Variants in DSCC1 observed in about 807,000 individuals in gnomAD.
DSCC1 encodes DNA replication and sister chromatid cohesion 1, also known as sister chromatid cohesion protein DCC1.
Under a neutral mutation model 48.2 loss-of-function variants are expected in DSCC1, and 32 were observed. That is an observed-to-expected ratio of 0.66 (90% CI 0.50 to 0.89). DSCC1 has a LOEUF of 0.89. Among genes scored for constraint, DSCC1 ranks in the 40% least tolerant of loss-of-function variants. The probability of loss-of-function intolerance (pLI) is 0.00; values close to 1 mark genes in which losing one functional copy is unlikely to be tolerated. For missense variants in DSCC1, 421 were observed against 471.7 expected (o/e 0.89, Z 1.00); for synonymous variants, 150 against 171.5 (o/e 0.87, Z 0.98).
At chr8:119,854,966 A>C (rs1409789280) in intron 1 of DSCC1, among the ~76,000 whole-genome samples, 2 of 152,248 alleles carry the variant, frequency 1.3e-5, no homozygotes, top group Non-Finnish European at 2.9e-5. Flanking sequence ...AAGAGAATCA[A>C]GCTGGAGCTC....
At position 119,834,211 on chromosome 8, in the gene DSCC1, A is replaced by G. The variant is rs1826627233; in HGVS notation, c.*682T>C. On this transcript the variant is annotated 3_prime_UTR_variant, in exon 9 of 9. Transcript: ENST00000313655. ...TTGAACTTTGATCTAAACCAAAACA[A>G]ATCAGGAAAATAAAGCTGTAAAGGA... 1 of 152,226 alleles carries G rather than the reference A, an allele frequency of 6.6e-6. No homozygotes were observed. The highest frequency in any genetic ancestry group is 6.5e-5 in the Admixed American group (1 of 15,278). The allele number at this position is 152,226 out of a possible 1,614,324, so 9.4% of individuals were successfully genotyped here. A position where few individuals can be genotyped will look rare whatever the true frequency, so the allele number is the denominator to read the frequency against.
At chr8:119,853,929 C>A (rs1317951021) in intron 1 of DSCC1, among the ~76,000 whole-genome samples, 2 of 152,158 alleles carry the variant, frequency 1.3e-5, no homozygotes, top group Non-Finnish European at 2.9e-5. Flanking sequence ...TGAAGAAAAG[C>A]AAGAACGCAG....
intron 8 of DSCC1, 114 bp downstream of exon 8, chr8:119,838,145 C>T (rs1586575194): frequency 2.7e-6 from 3 of 1,122,402 alleles, no homozygotes; most frequent in South Asian, 4.1e-5. Context: ...TCTAGGGAAG[C>T]AGTATCCTCA....
At chr8:119,846,591 C>T (rs1360829499) in intron 4 of DSCC1, among the ~76,000 whole-genome samples, 1 of 152,168 alleles carries the variant, frequency 6.6e-6, no homozygotes, top group East Asian at 1.9e-4. Flanking sequence ...AAGAGTTTCG[C>T]TCTGATGCCC....
Position 119,854,653 on chromosome 8 carries a change from T to TG in DSCC1, c.182+960dup, listed in dbSNP as rs549983284. ...GGGCCTGTTTTTATTTTTTTGTTTTTGTTTTGTTTTGTTTTTGCCAGCTAG... is the reference window on the plus strand; with the variant it reads ...GGGCCTGTTTTTATTTTTTTGTTTTTGGTTTTGTTTTGTTTTTGCCAGCTAG... On this transcript the variant is annotated intron_variant, in intron 1 of 8. Transcript: ENST00000313655. 2.2e-3 allele frequency among the ~76,000 whole-genome samples: 329 copies of TG among 151,562 alleles called. 1 individual carries two copies. Among genetic ancestry groups the TG allele is most frequent in the African/African-American group, 7.7e-3 (315 of 40,928 alleles).
chr8:119,842,021 T>C lies in DSCC1; in HGVS notation c.770-73A>G, dbSNP rs563545224. ...ATATTATACTAACATTTCCTTTTCT[T>C]TGCTGCAGTTTCTTGAAAGGAATTA... On this transcript the variant is annotated intron_variant, in intron 6 of 8. Coordinates refer to ENST00000313655, the MANE Select transcript of DSCC1 (RefSeq NM_024094.3). 9.3e-6 allele frequency: 14 copies of C among 1,497,608 alleles called. No individual in the cohort carries two copies. In the Admixed American group the frequency reaches 2.2e-4, roughly 23 times the overall value. The allele number at this position is 1,497,608 out of a possible 1,614,324, so 92.8% of individuals were successfully genotyped here.
At chr8:119,852,501 A>T (rs1483299076) in intron 2 of DSCC1, among the ~76,000 whole-genome samples, 1 of 152,042 alleles carries the variant, frequency 6.6e-6, no homozygotes, top group African/African-American at 2.4e-5. Flanking sequence ...TTACAGGTGC[A>T]CGCCACCACG....
At chr8:119,850,961 T>C (rs1826935568) in intron 2 of DSCC1, among the ~76,000 whole-genome samples, 1 of 152,196 alleles carries the variant, frequency 6.6e-6, no homozygotes, top group Non-Finnish European at 1.5e-5. Context: ...TTGCTCACGT[T>C]GAAATGAGGC....
chr8:119,845,930 C>G (rs1400213485), intron 4 of DSCC1, among the ~76,000 whole-genome samples: 1 of 152,018 alleles, frequency 6.6e-6, no homozygotes, highest in African/African-American at 2.4e-5. Context: ...GCCTGGGTGA[C>G]AGAGTGAGAC....
intron 8 of DSCC1, among the ~76,000 whole-genome samples, chr8:119,837,422 T>C (rs914706323): frequency 6.6e-5 from 10 of 152,150 alleles, no homozygotes; most frequent in African/African-American, 1.4e-4. Context: ...GCCTCACTGC[T>C]TCTATGTTCT....
In DSCC1 at chr8:119,834,652, A is replaced by G; in HGVS notation, c.*241T>C. ...TAAATAAATCATAGAGACCTCAGAC[A>G]TAATATAGGAAAGAATTCTTTTGTC... is the stretch of plus-strand genomic sequence containing the variant. On this transcript the variant is annotated 3_prime_UTR_variant, in exon 9 of 9. Transcript: ENST00000313655. 2.7e-6 allele frequency: 1 copy of G among 371,704 alleles called. No homozygotes were observed. Among genetic ancestry groups the G allele is most frequent in the Non-Finnish European group, 4.8e-6 (1 of 208,688 alleles). 23.0% of individuals were successfully genotyped at this position (371,704 alleles called of 1,614,324 possible).
At chr8:119,840,024 C>G (rs919222607) in intron 7 of DSCC1, 3 of 152,208 alleles carry the variant, frequency 2.0e-5, no homozygotes, top group African/African-American at 2.4e-5. Flanking sequence ...TAATATGTCT[C>G]CCCCATTGCC....
intron 1 of DSCC1, among the ~76,000 whole-genome samples, chr8:119,855,261 A>G (rs1049817598): frequency 6.6e-6 from 1 of 152,240 alleles, no homozygotes; most frequent in Non-Finnish European, 1.5e-5. Context: ...CAAGAGTTCT[A>G]TAAACATTGG....
chr8:119,836,038 C>T (rs7833422), intron 8 of DSCC1, among the ~76,000 whole-genome samples: 5,087 of 152,244 alleles, frequency 0.033, 163 homozygotes, highest in South Asian at 0.11. Flanking sequence ...GGTGGCCGGG[C>T]GCGGCGGCTC....
Position 119,836,487 on chromosome 8 carries a change from G to C in DSCC1, c.1074-1486C>G, listed in dbSNP as rs1826685644. Among the ~76,000 whole-genome samples the C allele has an allele frequency of 2.0e-5, 3 of 152,078 alleles. No individual in the cohort carries two copies. In the South Asian group the frequency reaches 6.2e-4, roughly 31 times the overall value. On this transcript the variant is annotated intron_variant, in intron 8 of 8. Transcript: ENST00000313655. ...GAGGCAGGTACAAGATGATCCATCA[G>C]GGTTTGCTCATAGTTTGAACCAGAA...
Position 119,835,412 on chromosome 8 carries a change from CAGG to C in DSCC1, c.1074-414_1074-412del, listed in dbSNP as rs533963564. Among the ~76,000 whole-genome samples the C allele has an allele frequency of 7.5e-3, 1,141 of 151,910 alleles. 16 individuals are homozygous for C. The highest frequency in any genetic ancestry group is 0.026 in the African/African-American group (1,077 of 41,448). ...ATCCCAGCTACTTGGGAGGCTGGGG[CAGG>C]AGAATTGCTTGAACCCGGGAGGCAG... On this transcript the variant is annotated intron_variant, in intron 8 of 8. Transcript: ENST00000313655.
intron 4 of DSCC1, among the ~76,000 whole-genome samples, chr8:119,844,520 C>T (rs1157575754): frequency 6.7e-6 from 1 of 148,316 alleles, no homozygotes; most frequent in Non-Finnish European, 1.5e-5. Context: ...ACTGTGTCTT[C>T]AGGGAGATCA....
Position 119,842,840 on chromosome 8 carries a change from A to G in DSCC1, c.717-12T>C. ...GTTCTATCATTTCCCTGAAAAATTTAAAACACCCACTTGAAAAGTTATAAG... is the reference window on the plus strand; with the variant it reads ...GTTCTATCATTTCCCTGAAAAATTTGAAACACCCACTTGAAAAGTTATAAG... On this transcript the variant is annotated splice_polypyrimidine_tract_variant and intron_variant, in intron 5 of 8. Coordinates refer to ENST00000313655, the MANE Select transcript of DSCC1 (RefSeq NM_024094.3). The G allele has an allele frequency of 6.3e-7, 1 of 1,591,600 alleles. No homozygotes were observed. The highest frequency in any genetic ancestry group is 1.1e-5 in the South Asian group (1 of 87,462).
At chr8:119,846,958 A>T (rs1455802144) in intron 4 of DSCC1, 32 bp downstream of exon 4, 35 of 1,597,348 alleles carry the variant, frequency 2.2e-5, no homozygotes, top group Non-Finnish European at 2.9e-5. Context: ...GCCCAATTTC[A>T]TCATTGTTAA....
Sources: allele counts gnomAD v4.1 joint callset (sites outside exome capture counted in the v4.1 genomes callset), GRCh38; gene constraint gnomAD v4.1.1; transcripts MANE v1.5; gene names NCBI Gene and HGNC (gene_info 2026-07-23, HGNC 2026-07-21).